The following ARHGAP10 variants were observed in gnomAD, a reference collection of about 807,000 sequenced individuals.
ARHGAP10 encodes Rho GTPase activating protein 10.
A neutral mutation model predicts 108.6 loss-of-function variants in ARHGAP10; 87 were observed. That is an observed-to-expected ratio of 0.80 (90% confidence interval 0.67 to 0.96). The LOEUF (loss-of-function observed/expected upper bound fraction) is 0.96. Ranked by LOEUF, ARHGAP10 falls within the 40% of genes least tolerant of loss-of-function variation. The probability of loss-of-function intolerance (pLI) is 0.00; values close to 1 mark genes in which losing one functional copy is unlikely to be tolerated. For synonymous variants in ARHGAP10, 347 were observed against 341.1 expected (o/e 1.02, Z -0.19); for missense variants, 939 against 954.5 (o/e 0.98, Z 0.21).
intron 7 of ARHGAP10, among the ~76,000 whole-genome samples, chr4:147,873,376 C>T (rs1447156133): frequency 6.6e-6 from 1 of 151,836 alleles, no homozygotes; most frequent in African/African-American, 2.4e-5. Flanking sequence ...ATGTTCACAC[C>T]TGTGATAGCA....
At chr4:147,774,509 G>A (rs1730207304) in intron 1 of ARHGAP10, among the ~76,000 whole-genome samples, 1 of 152,178 alleles carries the variant, frequency 6.6e-6, no homozygotes, top group East Asian at 1.9e-4. Context: ...TGAAGTCAAA[G>A]TTTTAATCTC....
intron 1 of ARHGAP10, among the ~76,000 whole-genome samples, chr4:147,791,799 C>T (rs1304000438): frequency 6.6e-6 from 1 of 151,780 alleles, no homozygotes; most frequent in East Asian, 2.0e-4. Context: ...TGGCCAGGCT[C>T]GTCTCGAACT....
intron 18 of ARHGAP10, among the ~76,000 whole-genome samples, chr4:147,977,931 A>G (rs11099673): frequency 0.7 from 105,988 of 152,022 alleles, 37,166 homozygotes; most frequent in South Asian, 0.76. Flanking sequence ...CTGTTTCTCC[A>G]TTAGTTCACT....
intron 13 of ARHGAP10, among the ~76,000 whole-genome samples, chr4:147,936,528 A>G (rs1737949415): frequency 6.6e-6 from 1 of 150,778 alleles, no homozygotes; most frequent in Non-Finnish European, 1.5e-5. Flanking sequence ...ACGGGGTTTC[A>G]CCTTGTTAGC....
chr4:147,967,726 G>A (rs979032994), intron 18 of ARHGAP10, among the ~76,000 whole-genome samples: 2 of 151,948 alleles, frequency 1.3e-5, no homozygotes, highest in East Asian at 1.9e-4. Context: ...CAGATAGCCC[G>A]CAAGGCATAA....
At position 148,002,156 on chromosome 4, in the gene ARHGAP10, A is replaced by C. The variant is rs528209509; in HGVS notation, c.1717-21107A>C. The stretch of plus-strand genomic sequence containing the variant: ...GAATTTTGTCAAAGACCTTTTTTGC[A>C]TCTATTGAGATAATCATGTGGTTTT... On this transcript the variant is annotated intron_variant, in intron 18 of 22. Coordinates refer to ENST00000336498, the MANE Select transcript of ARHGAP10 (RefSeq NM_024605.4). Among the ~76,000 whole-genome samples, 10 of 152,242 alleles carry C rather than the reference A, an allele frequency of 6.6e-5. No homozygotes were observed. The South Asian group carries it at 1.9e-3, about 28-fold the overall frequency.
intron 1 of ARHGAP10, among the ~76,000 whole-genome samples, chr4:147,759,787 C>T (rs1034624800): frequency 5.9e-5 from 9 of 152,062 alleles, no homozygotes; most frequent in East Asian, 1.9e-4. Flanking sequence ...CTCACCCTGT[C>T]GCCCAGGCTG....
intron 1 of ARHGAP10, among the ~76,000 whole-genome samples, chr4:147,775,973 T>C (rs1286367418): frequency 2.6e-5 from 4 of 152,220 alleles, no homozygotes; most frequent in African/African-American, 7.2e-5. Context: ...AAGCTGGCTA[T>C]GATGGCACCG....
chr4:147,849,176 A>C (rs1054172083), intron 4 of ARHGAP10, among the ~76,000 whole-genome samples: 31 of 151,516 alleles, frequency 2.0e-4, no homozygotes, highest in African/African-American at 6.3e-4. Flanking sequence ...CTGTAATGAT[A>C]TGTAAACTAT....
At chr4:147,954,563 A>C (rs2126982731) in intron 15 of ARHGAP10, among the ~76,000 whole-genome samples, 1 of 151,972 alleles carries the variant, frequency 6.6e-6, no homozygotes, top group African/African-American at 2.4e-5. Context: ...CAGGATTGTA[A>C]CCTTTTAAAA....
At chr4:147,991,946 C>T (rs1231120229) in intron 18 of ARHGAP10, among the ~76,000 whole-genome samples, 1 of 152,188 alleles carries the variant, frequency 6.6e-6, no homozygotes, top group Non-Finnish European at 1.5e-5. Context: ...TCTCCCCGTT[C>T]TATAGGTGAA....
At chr4:147,998,303 T>G (rs1432009333) in intron 18 of ARHGAP10, among the ~76,000 whole-genome samples, 1 of 152,200 alleles carries the variant, frequency 6.6e-6, no homozygotes, top group Non-Finnish European at 1.5e-5. Flanking sequence ...CATATAATTT[T>G]AAAAATCTGA....
intron 17 of ARHGAP10, 123 bp from the exon 18 acceptor site, chr4:147,966,557 T>C (rs1480973046): frequency 2.4e-6 from 2 of 825,306 alleles, no homozygotes; most frequent in Non-Finnish European, 3.6e-6. Flanking sequence ...CAGAGGTAGA[T>C]GTTGAGGGTG....
Position 147,744,963 on chromosome 4 carries a change from A to G in ARHGAP10, c.154+12508A>G, listed in dbSNP as rs138110063. Among the ~76,000 whole-genome samples, 828 of 152,208 alleles carry G rather than the reference A, an allele frequency of 5.4e-3. 11 individuals carry two copies. The highest frequency in any genetic ancestry group is 0.018 in the African/African-American group (736 of 41,526). On this transcript the variant is annotated intron_variant, in intron 1 of 22. Transcript: ENST00000336498. ...GAGAAGGCAGGGAGAGGGTCAGGGC[A>G]AATCCGGAGGAACTCCATCTTTTAA...
Position 147,993,700 on chromosome 4 carries a change from G to A in ARHGAP10, c.1716+26861G>A, listed in dbSNP as rs189313800. 1.1e-3 allele frequency among the ~76,000 whole-genome samples: 165 copies of A among 152,292 alleles called. 2 individuals are homozygous for A. The highest frequency in any genetic ancestry group is 3.8e-3 in the African/African-American group (156 of 41,558). On this transcript the variant is annotated intron_variant, in intron 18 of 22. Coordinates refer to ENST00000336498, the MANE Select transcript of ARHGAP10 (RefSeq NM_024605.4). ...ACCATTTCTGCAATTTAAAGACTTC[G>A]TGTACTAAGCATTTATTTGTGAGTC...
intron 13 of ARHGAP10, among the ~76,000 whole-genome samples, chr4:147,914,074 C>T (rs1034380423): frequency 2.0e-5 from 3 of 152,068 alleles, no homozygotes; most frequent in Admixed American, 6.5e-5. Flanking sequence ...ATCAGTTGAA[C>T]CTGGGAGGCA....
At chr4:147,845,636 T>C (rs1214182403) in intron 3 of ARHGAP10, among the ~76,000 whole-genome samples, 3 of 152,226 alleles carry the variant, frequency 2.0e-5, no homozygotes, top group Non-Finnish European at 4.4e-5. Flanking sequence ...CAGTTCATTC[T>C]GGGCCGACTT....
chr4:147,950,456 G>A (rs1050882156), intron 15 of ARHGAP10, among the ~76,000 whole-genome samples: 1 of 152,190 alleles, frequency 6.6e-6, no homozygotes, highest in Non-Finnish European at 1.5e-5. Flanking sequence ...TGTCACTCAT[G>A]GCACCATGGC....
At chr4:147,732,783 G>A (rs752500588) in intron 1 of ARHGAP10, among the ~76,000 whole-genome samples, 22 of 152,212 alleles carry the variant, frequency 1.4e-4, no homozygotes, top group Non-Finnish European at 2.4e-4. Context: ...AGGCACTCCT[G>A]GCCCGGAGTC....
Sources: allele counts gnomAD v4.1 joint callset (sites outside exome capture counted in the v4.1 genomes callset), GRCh38; gene constraint gnomAD v4.1.1; transcripts MANE v1.5; gene names NCBI Gene and HGNC (gene_info 2026-07-23, HGNC 2026-07-21).